TTC28: variants seen among roughly 807,000 people sequenced by gnomAD.
The protein encoded by TTC28 is tetratricopeptide repeat protein 28.
TTC28 carries 61 observed loss-of-function variants against 198.0 expected under a neutral mutation model. That is an observed-to-expected ratio of 0.31 (90% CI 0.25 to 0.38). TTC28 has a LOEUF of 0.38. Ranked by LOEUF, TTC28 falls within the 10% of genes least tolerant of loss-of-function variation. TTC28 has a pLI of 1.00. For missense variants in TTC28, 2,678 were observed against 3,164.0 expected (o/e 0.85, Z 3.69); for synonymous variants, 1,171 against 1,297.8 (o/e 0.90, Z 2.10).
At position 28,039,879 on chromosome 22, in the gene TTC28, CAT is replaced by C. The variant is rs1360949967; in HGVS notation, c.3933-9515_3933-9514del. On this transcript the variant is annotated intron_variant, in intron 12 of 22. Coordinates refer to ENST00000397906, the MANE Select transcript of TTC28 (RefSeq NM_001145418.2). ...AGAAAAGAGAGAAGAATCAAATAGA[CAT>C]GATAAAAAATGATAAAAGGGATATC... 7.1e-4 allele frequency among the ~76,000 whole-genome samples: 108 copies of C among 152,108 alleles called. No individual in the cohort carries two copies. In the South Asian group the frequency reaches 0.022, roughly 31 times the overall value.
chr22:28,496,985 G>A (rs9613635), intron 2 of TTC28, among the ~76,000 whole-genome samples: 4,920 of 151,940 alleles, frequency 0.032, 145 homozygotes, highest in Non-Finnish European at 0.048. Flanking sequence ...AGATATCTGC[G>A]TGAATCTCTC....
intron 1 of TTC28, among the ~76,000 whole-genome samples, chr22:28,676,882 G>A (rs1168322425): frequency 1.3e-5 from 2 of 151,918 alleles, no homozygotes; most frequent in Non-Finnish European, 1.5e-5. Context: ...TAGGCCAGGC[G>A]CAGTGGCTCA....
intron 2 of TTC28, among the ~76,000 whole-genome samples, chr22:28,379,251 T>C (rs1047464432): frequency 1.3e-5 from 2 of 152,168 alleles, no homozygotes; most frequent in Non-Finnish European, 2.9e-5. Flanking sequence ...GAAGTTATCA[T>C]ATGACTCAGC....
chr22:28,376,133 C>A (rs2046405914), intron 2 of TTC28, among the ~76,000 whole-genome samples: 1 of 152,196 alleles, frequency 6.6e-6, no homozygotes, highest in African/African-American at 2.4e-5. Flanking sequence ...CATCTATCTT[C>A]ATACCTACCT....
At chr22:28,091,292 G>A (rs1311241688) in intron 12 of TTC28, among the ~76,000 whole-genome samples, 5 of 152,188 alleles carry the variant, frequency 3.3e-5, no homozygotes, top group Non-Finnish European at 7.3e-5. Context: ...GAGACCAAGG[G>A]TAATCCTCTT....
chr22:28,355,073 T>A (rs563159026), intron 2 of TTC28, among the ~76,000 whole-genome samples: 144 of 148,096 alleles, frequency 9.7e-4, no homozygotes, highest in Non-Finnish European at 1.7e-3. Flanking sequence ...AAGAAAATAA[T>A]CATTACTGCT....
chr22:28,297,476 G>C (rs2044923177), intron 4 of TTC28, 104 bp downstream of exon 4: 1 of 1,354,798 alleles, frequency 7.4e-7, no homozygotes, highest in Non-Finnish European at 9.9e-7. Flanking sequence ...ACAGGTGTGA[G>C]CAACCAGGCG....
intron 2 of TTC28, among the ~76,000 whole-genome samples, chr22:28,412,702 C>G (rs2047100759): frequency 6.6e-6 from 1 of 152,154 alleles, no homozygotes; most frequent in Non-Finnish European, 1.5e-5. Flanking sequence ...GTGTACTGTT[C>G]TTACGTTCAT....
intron 2 of TTC28, among the ~76,000 whole-genome samples, chr22:28,529,425 G>A (rs2049082587): frequency 6.6e-6 from 1 of 152,176 alleles, no homozygotes; most frequent in Admixed American, 6.5e-5. Flanking sequence ...AAACTGGGTG[G>A]AGTCCACCAC....
chr22:28,299,828 A>T (rs1173533049), intron 3 of TTC28, among the ~76,000 whole-genome samples: 5 of 152,308 alleles, frequency 3.3e-5, no homozygotes, highest in Non-Finnish European at 7.4e-5. Flanking sequence ...CAGGGCTCTA[A>T]GCCCAGGTTC....
At chr22:28,284,115 G>A (rs889922379) in intron 5 of TTC28, among the ~76,000 whole-genome samples, 2 of 152,150 alleles carry the variant, frequency 1.3e-5, no homozygotes, top group African/African-American at 4.8e-5. Flanking sequence ...GGTTTGCCAG[G>A]AGATGTGAGC....
intron 4 of TTC28, 123 bp from the exon 5 acceptor site, chr22:28,296,451 C>G: frequency 1.1e-6 from 1 of 894,822 alleles, no homozygotes; most frequent in Non-Finnish European, 1.5e-6. Flanking sequence ...CACTTATCTT[C>G]TATTAGAAAA....
intron 2 of TTC28, among the ~76,000 whole-genome samples, chr22:28,598,425 C>T (rs192387437): frequency 1.2e-3 from 170 of 142,130 alleles, no homozygotes; most frequent in African/African-American, 4.3e-3. Flanking sequence ...AGGAGAATGG[C>T]GTGAACCCAG....
At chr22:28,192,636 G>A (rs954997891) in intron 5 of TTC28, among the ~76,000 whole-genome samples, 9 of 152,020 alleles carry the variant, frequency 5.9e-5, no homozygotes, top group Middle Eastern at 3.2e-3. Flanking sequence ...TGAGAACTAC[G>A]TGACACATAC....
intron 13 of TTC28, among the ~76,000 whole-genome samples, chr22:28,028,255 CT>C (rs1315333433): frequency 1.3e-5 from 2 of 152,334 alleles, no homozygotes; most frequent in African/African-American, 2.4e-5. Context: ...GTGGGCCTTG[CT>C]GCTCCCCACT....
chr22:28,269,434 T>C (rs1297586191), intron 5 of TTC28, among the ~76,000 whole-genome samples: 3 of 152,286 alleles, frequency 2.0e-5, no homozygotes, highest in South Asian at 2.1e-4. Flanking sequence ...TTTTTGTACA[T>C]TGCCCACTCT....
intron 6 of TTC28, among the ~76,000 whole-genome samples, chr22:28,147,700 C>A (rs941539180): frequency 6.6e-6 from 1 of 152,198 alleles, no homozygotes; most frequent in Non-Finnish European, 1.5e-5. Flanking sequence ...TAAGCCCTAT[C>A]TTTCTGAATT....
chr22:28,109,632 C>T (rs1942429859), intron 6 of TTC28, among the ~76,000 whole-genome samples: 2 of 152,204 alleles, frequency 1.3e-5, no homozygotes, highest in Non-Finnish European at 2.9e-5. Flanking sequence ...CATATCATAA[C>T]TATAAAGTGG....
chr22:28,546,404 C>G (rs1290236082), intron 2 of TTC28, among the ~76,000 whole-genome samples: 1 of 152,138 alleles, frequency 6.6e-6, no homozygotes, highest in Non-Finnish European at 1.5e-5. Context: ...CGAGAGGGCA[C>G]CAATGCACTC....
Sources: allele counts gnomAD v4.1 joint callset (sites outside exome capture counted in the v4.1 genomes callset), GRCh38; gene constraint gnomAD v4.1.1; transcripts MANE v1.5; gene names NCBI Gene and HGNC (gene_info 2026-07-23, HGNC 2026-07-21).